Variants in PARD3B observed in about 807,000 individuals in gnomAD.
PARD3B encodes par-3 family cell polarity regulator beta, also known as partitioning defective 3 homolog B.
In PARD3B, 103 loss-of-function variants were observed where a neutral mutation model predicts 130.2. The observed-to-expected ratio is 0.79, with a 90% confidence interval of 0.67 to 0.93. PARD3B has a LOEUF of 0.93. Ranked by LOEUF, PARD3B falls within the 40% of genes least tolerant of loss-of-function variation. The pLI, the probability that PARD3B is intolerant of heterozygous loss-of-function variation, is 0.00. For missense variants in PARD3B, 1,609 were observed against 1,499.2 expected (o/e 1.07, Z -1.21); for synonymous variants, 583 against 553.2 (o/e 1.05, Z -0.76).
intron 2 of PARD3B, among the ~76,000 whole-genome samples, chr2:204,760,096 C>G (rs1324173609): frequency 2.0e-5 from 3 of 152,022 alleles, no homozygotes; most frequent in Non-Finnish European, 2.9e-5. Flanking sequence ...GCCAAATAGT[C>G]TAACAGGCAT....
chr2:205,501,229 A>T (rs1245695270), intron 21 of PARD3B, among the ~76,000 whole-genome samples: 2 of 152,148 alleles, frequency 1.3e-5, no homozygotes, highest in African/African-American at 4.8e-5. Context: ...GAGTTCCAAA[A>T]CACTAATCAG....
intron 15 of PARD3B, among the ~76,000 whole-genome samples, chr2:205,218,294 G>A (rs981211321): frequency 2.0e-5 from 3 of 152,092 alleles, no homozygotes; most frequent in Non-Finnish European, 4.4e-5. Flanking sequence ...ACAAGGCCTA[G>A]AGCCTATAAG....
chr2:204,909,830 C>T (rs2047169809), intron 2 of PARD3B, among the ~76,000 whole-genome samples: 1 of 152,056 alleles, frequency 6.6e-6, no homozygotes, highest in African/African-American at 2.4e-5. Flanking sequence ...CATGAATCTG[C>T]CATAATTAAT....
chr2:205,072,710 T>C (rs1004630177), intron 4 of PARD3B, among the ~76,000 whole-genome samples: 2 of 152,212 alleles, frequency 1.3e-5, no homozygotes, highest in Non-Finnish European at 2.9e-5. Context: ...AAGAAAATAA[T>C]ATCCTTCTCT....
At chr2:204,770,635 C>A (rs903905315) in intron 2 of PARD3B, among the ~76,000 whole-genome samples, 4 of 151,956 alleles carry the variant, frequency 2.6e-5, no homozygotes, top group Non-Finnish European at 4.4e-5. Flanking sequence ...TTTGGCAGAT[C>A]TGCGATGCAT....
At position 204,673,120 on chromosome 2, in the gene PARD3B, C is replaced by T. The variant is rs1356031072; in HGVS notation, c.121-13061C>T. Among the ~76,000 whole-genome samples, 3 of 152,116 alleles carry T rather than the reference C, an allele frequency of 2.0e-5. No homozygotes were observed. Among genetic ancestry groups the T allele is most frequent in the African/African-American group, 7.2e-5 (3 of 41,410 alleles). Reference sequence around the variant, plus strand: ...GCCTAGTCTTACTTTAAAGCTCATACTTTTTCCACGAAGCATTTTGGGGAG... The same window carrying T: ...GCCTAGTCTTACTTTAAAGCTCATATTTTTTCCACGAAGCATTTTGGGGAG... On this transcript the variant is annotated intron_variant, in intron 1 of 22. Coordinates refer to ENST00000406610, the MANE Select transcript of PARD3B (RefSeq NM_001302769.2). This position sits in a 1 kb window ranked among gnomAD's most constrained non-coding sequence, Gnocchi z 4.7.
rs553746968 is a variant in PARD3B, at chr2:205,589,183, G to A, written c.3261-26273G>A. Among the ~76,000 whole-genome samples the A allele has an allele frequency of 4.6e-5, 7 of 152,330 alleles. No homozygotes were observed. In the South Asian group the frequency reaches 1.5e-3, roughly 32 times the overall value. ...CATGTCTGTGGTCTCAGCTACTCAG[G>A]AGGCTGAGATAGGAGGATCTCTTGA... On this transcript the variant is annotated intron_variant, in intron 22 of 22. Coordinates refer to ENST00000406610, the MANE Select transcript of PARD3B (RefSeq NM_001302769.2). This position sits in a 1 kb window ranked among gnomAD's most constrained non-coding sequence, Gnocchi z 4.1.
intron 2 of PARD3B, among the ~76,000 whole-genome samples, chr2:204,839,228 G>A (rs528587484): frequency 1.4e-4 from 21 of 152,254 alleles, no homozygotes; most frequent in African/African-American, 4.6e-4. Context: ...GGCATCAGGA[G>A]GCACAAAATC....
chr2:204,608,991 C>T (rs956747944), intron 1 of PARD3B, among the ~76,000 whole-genome samples: 16 of 152,110 alleles, frequency 1.1e-4, no homozygotes, highest in Admixed American at 2.0e-4. Context: ...TCAGGTAATA[C>T]CCTGTTATAT....
intron 18 of PARD3B, among the ~76,000 whole-genome samples, chr2:205,383,113 T>TAGATAGATAGATAGAGAGAG (rs1553500342): frequency 6.7e-5 from 10 of 149,450 alleles, no homozygotes; most frequent in African/African-American, 2.0e-4. Flanking sequence ...GATAGATAGA[T>TAGATAGATAGATAGAGAGAG]AGATAGATAG....
chr2:204,667,774 T>C (rs535259207), intron 1 of PARD3B, among the ~76,000 whole-genome samples: 9 of 152,308 alleles, frequency 5.9e-5, no homozygotes, highest in Admixed American at 5.2e-4. Flanking sequence ...AATCTTTATA[T>C]TCCCACTATG....
chr2:204,899,873 T>C (rs1179298254), intron 2 of PARD3B, among the ~76,000 whole-genome samples: 1 of 151,902 alleles, frequency 6.6e-6, no homozygotes, highest in Non-Finnish European at 1.5e-5. Context: ...TTGCTGGATA[T>C]ACTATCCTTT....
intron 2 of PARD3B, among the ~76,000 whole-genome samples, chr2:204,773,098 A>G (rs1412099054): frequency 6.6e-6 from 1 of 152,046 alleles, no homozygotes; most frequent in Non-Finnish European, 1.5e-5. Flanking sequence ...ATTTAACAAT[A>G]ATCATTTGAA....
At chr2:205,140,732 G>T (rs1396340847) in intron 10 of PARD3B, among the ~76,000 whole-genome samples, 1 of 151,922 alleles carries the variant, frequency 6.6e-6, no homozygotes, top group Non-Finnish European at 1.5e-5. Context: ...AAAGATATAT[G>T]CATATTGAAT....
chr2:205,476,584 G>T (rs1301435893), intron 20 of PARD3B, among the ~76,000 whole-genome samples: 1 of 152,096 alleles, frequency 6.6e-6, no homozygotes, highest in Non-Finnish European at 1.5e-5. Flanking sequence ...TGTGCTAGAT[G>T]ATCTTACCTG....
At chr2:205,504,731 C>T in intron 21 of PARD3B, among the ~76,000 whole-genome samples, 1 of 152,152 alleles carries the variant, frequency 6.6e-6, no homozygotes, top group East Asian at 1.9e-4. Flanking sequence ...ATTAAAAAGT[C>T]AGGAAACAAC....
At chr2:205,364,780 T>A (rs556755824) in intron 18 of PARD3B, among the ~76,000 whole-genome samples, 1 of 152,286 alleles carries the variant, frequency 6.6e-6, no homozygotes, top group East Asian at 1.9e-4. Context: ...GTGACTACAA[T>A]AATGGAGGCC....
At chr2:205,155,909 G>A (rs2125706170) in intron 10 of PARD3B, among the ~76,000 whole-genome samples, 1 of 151,890 alleles carries the variant, frequency 6.6e-6, no homozygotes, top group Middle Eastern at 3.4e-3. Flanking sequence ...TTTTTTTCTT[G>A]GGTAATGTAC....
intron 16 of PARD3B, among the ~76,000 whole-genome samples, chr2:205,252,257 A>G (rs2039881472): frequency 6.6e-6 from 1 of 152,146 alleles, no homozygotes; most frequent in South Asian, 2.1e-4. Flanking sequence ...TTTTAGTTCC[A>G]CTCATGTTTA....
Sources: allele counts gnomAD v4.1 joint callset (sites outside exome capture counted in the v4.1 genomes callset), GRCh38; gene constraint gnomAD v4.1.1; non-coding constraint Gnocchi (gnomAD v3.1); transcripts MANE v1.5; gene names NCBI Gene and HGNC (gene_info 2026-07-23, HGNC 2026-07-21).